PCDHGC3: variants seen among roughly 807,000 people sequenced by gnomAD.
PCDHGC3 encodes the protein protocadherin gamma-C3.
Under a neutral mutation model 59.2 loss-of-function variants are expected in PCDHGC3, and 26 were observed. That is an observed-to-expected ratio of 0.44 (90% CI 0.32 to 0.61). The LOEUF is 0.61. PCDHGC3 is among the 20% of genes least tolerant of loss of function. PCDHGC3 has a pLI of 0.05. For synonymous variants in PCDHGC3, 487 were observed against 519.7 expected (o/e 0.94, Z 0.86); for missense variants, 1,080 against 1,221.8 (o/e 0.88, Z 1.73).
chr5:141,491,503 G>C lies in PCDHGC3; in HGVS notation c.2431-3304G>C. On this transcript the variant is annotated intron_variant, in intron 1 of 3. Coordinates refer to ENST00000308177, the MANE Select transcript of PCDHGC3 (RefSeq NM_002588.4). The surrounding 1 kb of genome is among the most constrained non-coding windows in gnomAD (Gnocchi z 6.9). ...CCCCAACCTGCAGGTGAGCTCGGACGGCACGCTCAAGTACATGGAGGTGAC... is the reference window on the plus strand; with the variant it reads ...CCCCAACCTGCAGGTGAGCTCGGACCGCACGCTCAAGTACATGGAGGTGAC... The C allele has an allele frequency of 6.2e-7, 1 of 1,614,030 alleles. No homozygotes were observed.
In PCDHGC3 at chr5:141,491,365, T is replaced by A. The variant is rs201011046; in HGVS notation, c.2431-3442T>A. ...CGTCAGTCTCTTATCCCTAGTCACC[T>A]TCACCTTTCTGTCAGCGAAGTGCCT... On this transcript the variant is annotated intron_variant, in intron 1 of 3. Transcript: ENST00000308177. This position sits in a 1 kb window ranked among gnomAD's most constrained non-coding sequence, Gnocchi z 6.9. 1.7e-5 allele frequency: 27 copies of A among 1,614,016 alleles called. No individual in the cohort carries two copies. The highest frequency in any genetic ancestry group is 2.0e-5 in the Non-Finnish European group (24 of 1,179,982).
chr5:141,482,530 C>CA (rs3074545), intron 1 of PCDHGC3, among the ~76,000 whole-genome samples: 3,839 of 76,186 alleles, frequency 0.05, 137 homozygotes, highest in East Asian at 0.1. Context: ...GACAGACATG[C>CA]AAAAAAAAAA....
chr5:141,491,529 G>C lies in PCDHGC3; in HGVS notation c.2431-3278G>C. 1 of 1,614,040 alleles carries C rather than the reference G, an allele frequency of 6.2e-7. No individual in the cohort carries two copies. The highest frequency in any genetic ancestry group is 1.1e-5 in the South Asian group (1 of 91,080). On this transcript the variant is annotated intron_variant, in intron 1 of 3. Coordinates refer to ENST00000308177, the MANE Select transcript of PCDHGC3 (RefSeq NM_002588.4). The surrounding 1 kb of genome is among the most constrained non-coding windows in gnomAD (Gnocchi z 6.9). ...GCACGCTCAAGTACATGGAGGTGACGCTGCGGCCCACAGACTCGCAGAGCC... is the reference window on the plus strand; with the variant it reads ...GCACGCTCAAGTACATGGAGGTGACCCTGCGGCCCACAGACTCGCAGAGCC...
intron 1 of PCDHGC3, among the ~76,000 whole-genome samples, chr5:141,492,893 C>T (rs936521362): frequency 2.0e-5 from 3 of 152,178 alleles, no homozygotes; most frequent in Admixed American, 6.5e-5. Flanking sequence ...AGGCTTTTGG[C>T]GCCGTCGTGA....
chr5:141,485,641 G>T lies in PCDHGC3; in HGVS notation c.2430+7095G>T. The T allele has an allele frequency of 6.2e-7, 1 of 1,612,012 alleles. No individual in the cohort carries two copies. Among genetic ancestry groups the T allele is most frequent in the Non-Finnish European group, 8.5e-7 (1 of 1,178,470 alleles). On this transcript the variant is annotated intron_variant, in intron 1 of 3. Transcript: ENST00000308177. The surrounding 1 kb of genome is among the most constrained non-coding windows in gnomAD (Gnocchi z 5.7). Reference sequence around the variant, plus strand: ...CAGGACAGCGTTTCCCGTTGGAAAAGGCTCAGGATGCAGATGTGGGGAGCA... The same window carrying T: ...CAGGACAGCGTTTCCCGTTGGAAAATGCTCAGGATGCAGATGTGGGGAGCA...
At chr5:141,505,085 C>A (rs954289918) in intron 2 of PCDHGC3, among the ~76,000 whole-genome samples, 1 of 152,162 alleles carries the variant, frequency 6.6e-6, no homozygotes, top group Non-Finnish European at 1.5e-5. Context: ...TCGCTTGAAC[C>A]CAGGAGGTGG....
At position 141,476,581 on chromosome 5, in the gene PCDHGC3, G is replaced by A. The variant is rs1393235114; in HGVS notation, c.465G>A (p.Pro155=). The A allele has an allele frequency of 5.0e-6, 8 of 1,614,230 alleles. No individual in the cohort carries two copies. The highest frequency in any genetic ancestry group is 6.8e-6 in the Non-Finnish European group (8 of 1,180,042). ...CCGTGGCTCCGGGGACGCGCTTTCC[G>A]CTCGAGAGCGCGCACGATCCCGATG... ...SEAVAPGTRF[P]LESAHDPDVG... The change falls in exon 1 of 4, where the codon CCG becomes CCA. Residue 155 remains proline, a synonymous_variant. Transcript: ENST00000308177. This position sits in a 1 kb window ranked among gnomAD's most constrained non-coding sequence, Gnocchi z 7.6.
chr5:141,487,530 T>C lies in PCDHGC3; in HGVS notation c.2431-7277T>C. The stretch of plus-strand genomic sequence containing the variant: ...GCACCCACTCGGAGTGATAGCTTCA[T>C]GATGGTGAAGTCACCCAGTGCACCT... On this transcript the variant is annotated intron_variant, in intron 1 of 3. Coordinates refer to ENST00000308177, the MANE Select transcript of PCDHGC3 (RefSeq NM_002588.4). This position sits in a 1 kb window ranked among gnomAD's most constrained non-coding sequence, Gnocchi z 5.0. The C allele has an allele frequency of 6.2e-7, 1 of 1,614,218 alleles. No individual in the cohort carries two copies. The highest frequency in any genetic ancestry group is 8.5e-7 in the Non-Finnish European group (1 of 1,180,040).
chr5:141,485,357 C>T lies in PCDHGC3; in HGVS notation c.2430+6811C>T. ...GCTGGATACGGACAGTCTGTCAGCT[C>T]GCAGGCTGCAGGTCGCTGGAGAGGT... On this transcript the variant is annotated intron_variant, in intron 1 of 3. Transcript: ENST00000308177. The surrounding 1 kb of genome is among the most constrained non-coding windows in gnomAD (Gnocchi z 5.7). 1.2e-6 allele frequency: 2 copies of T among 1,614,084 alleles called. No individual in the cohort carries two copies. The highest frequency in any genetic ancestry group is 1.1e-5 in the South Asian group (1 of 91,070).
intron 2 of PCDHGC3, among the ~76,000 whole-genome samples, chr5:141,496,903 A>G (rs990378360): frequency 1.1e-4 from 16 of 150,744 alleles, no homozygotes; most frequent in Non-Finnish European, 2.4e-4. Flanking sequence ...AAAAAAAAAA[A>G]GGCTGGGCAC....
At chr5:141,500,260 C>G (rs2099798502) in intron 2 of PCDHGC3, among the ~76,000 whole-genome samples, 3 of 151,104 alleles carry the variant, frequency 2.0e-5, no homozygotes, top group African/African-American at 2.4e-5. Flanking sequence ...CCAGGCTGGA[C>G]TGCAGTGGCG....
chr5:141,491,571 C>CT lies in PCDHGC3; in HGVS notation c.2431-3232dup. On this transcript the variant is annotated intron_variant, in intron 1 of 3. Coordinates refer to ENST00000308177, the MANE Select transcript of PCDHGC3 (RefSeq NM_002588.4). The surrounding 1 kb of genome is among the most constrained non-coding windows in gnomAD (Gnocchi z 6.9). ...CGCAGAGCCACTGCTACAGGACGTG[C>CT]TTTTCACCGGCCTCGGACGGCAGTG... 6.2e-7 allele frequency: 1 copy of CT among 1,614,026 alleles called. No homozygotes were observed. Among genetic ancestry groups the CT allele is most frequent in the Non-Finnish European group, 8.5e-7 (1 of 1,180,042 alleles).
chr5:141,478,143 A>G lies in PCDHGC3; in HGVS notation c.2027A>G (p.Glu676Gly), dbSNP rs759384540. The G allele has an allele frequency of 4.5e-5, 72 of 1,614,014 alleles. No individual in the cohort carries two copies. Among genetic ancestry groups the G allele is most frequent in the Middle Eastern group, 3.3e-4 (2 of 6,062 alleles). The change falls in exon 1 of 4, where the codon GAG becomes GGG. Residue 676 changes from glutamate (E) to glycine (G), a missense_variant. Physicochemically the swap from Glu to Gly is moderately conservative, Grantham distance 98 (BLOSUM62 -2). Coordinates refer to ENST00000308177, the MANE Select transcript of PCDHGC3 (RefSeq NM_002588.4). ...VTEDSPEARA[E>G]FPSGSAPREQ... The stretch of plus-strand genomic sequence containing the variant: ...GAGGACTCTCCTGAAGCCCGAGCCG[A>G]GTTCCCCTCTGGCTCTGCCCCCCGG...
intron 2 of PCDHGC3, among the ~76,000 whole-genome samples, chr5:141,503,570 G>T (rs996006002): frequency 3.4e-4 from 50 of 147,216 alleles, no homozygotes; most frequent in African/African-American, 1.2e-3. Context: ...CTGTACTCCA[G>T]CCTGGGTGAC....
At chr5:141,505,238 G>A (rs1254100882) in intron 2 of PCDHGC3, 155 bp from the exon 3 acceptor site, 2 of 890,422 alleles carry the variant, frequency 2.2e-6, no homozygotes, top group South Asian at 5.2e-5. Context: ...GGCTTCTGAA[G>A]GATTGTAGAA....
Position 141,487,252 on chromosome 5 carries a change from G to T in PCDHGC3, c.2431-7555G>T. ...GAGAATCTCGTCTAACCCTCTACTT[G>T]GCTGTGTCCCTAGTGGCAATTTGCT... On this transcript the variant is annotated intron_variant, in intron 1 of 3. Transcript: ENST00000308177. The surrounding 1 kb of genome is among the most constrained non-coding windows in gnomAD (Gnocchi z 5.0). 1 of 1,614,110 alleles carries T rather than the reference G, an allele frequency of 6.2e-7. No homozygotes were observed. The highest frequency in any genetic ancestry group is 8.5e-7 in the Non-Finnish European group (1 of 1,180,014).
chr5:141,496,338 G>A (rs1011495959), intron 2 of PCDHGC3, among the ~76,000 whole-genome samples: 5 of 152,230 alleles, frequency 3.3e-5, no homozygotes, highest in African/African-American at 9.6e-5. Flanking sequence ...TCAGGAGCCT[G>A]GAGGAGTCTC....
At chr5:141,506,955 C>G (rs1387377785) in intron 3 of PCDHGC3, 1 of 152,244 alleles carries the variant, frequency 6.6e-6, no homozygotes, top group Non-Finnish European at 1.5e-5. Context: ...AATGAATCCT[C>G]TCAATAGCTC....
Position 141,485,449 on chromosome 5 carries a change from A to G in PCDHGC3, c.2430+6903A>G, listed in dbSNP as rs2099613844. 6.2e-7 allele frequency: 1 copy of G among 1,614,054 alleles called. No homozygotes were observed. The highest frequency in any genetic ancestry group is 2.2e-5 in the East Asian group (1 of 44,876). On this transcript the variant is annotated intron_variant, in intron 1 of 3. Coordinates refer to ENST00000308177, the MANE Select transcript of PCDHGC3 (RefSeq NM_002588.4). The surrounding 1 kb of genome is among the most constrained non-coding windows in gnomAD (Gnocchi z 5.7). ...TGCTCATCAAGAACCCAATCGACCG[A>G]GAGGCACTGTGTGGGCTCAGTGCCA...
Sources: gnomAD v4.1 joint callset for allele counts (sites outside exome capture counted in the v4.1 genomes callset) on GRCh38, gnomAD v4.1.1 for gene constraint, Gnocchi (gnomAD v3.1) non-coding constraint, MANE v1.5 for transcripts, NCBI Gene and HGNC (gene_info 2026-07-23, HGNC 2026-07-21) for gene names.